Variants in CDH23 observed in about 807,000 individuals in gnomAD.
The protein encoded by CDH23 is cadherin related 23.
A neutral mutation model predicts 317.1 loss-of-function variants in CDH23; 189 were observed. The observed-to-expected ratio is 0.60, with a 90% confidence interval of 0.53 to 0.67. The LOEUF (loss-of-function observed/expected upper bound fraction) is 0.67. CDH23 is among the 30% of genes least tolerant of loss of function. The pLI, the probability that CDH23 is intolerant of heterozygous loss-of-function variation, is 0.00. For synonymous variants in CDH23, 1,839 were observed against 1,876.8 expected (o/e 0.98, Z 0.52); for missense variants, 4,401 against 4,592.4 (o/e 0.96, Z 1.20).
At chr10:71,684,862 C>T (rs966485662) in intron 18 of CDH23, among the ~76,000 whole-genome samples, 10 of 152,172 alleles carry the variant, frequency 6.6e-5, no homozygotes, top group African/African-American at 2.4e-4. Flanking sequence ...CGGGGCTAGA[C>T]AGGCCTAAGT....
chr10:71,793,669 C>T (rs1347755730), intron 48 of CDH23, 29 bp downstream of exon 48: 2 of 1,476,762 alleles, frequency 1.4e-6, no homozygotes, highest in Admixed American at 2.0e-5. Flanking sequence ...CTCCCACCTC[C>T]CTCCCAGCTC....
intron 22 of CDH23, among the ~76,000 whole-genome samples, chr10:71,698,952 T>G (rs542745913): frequency 5.3e-5 from 8 of 152,220 alleles, no homozygotes; most frequent in Non-Finnish European, 8.8e-5. Context: ...GCTCCAGTTC[T>G]TCTCATCTAA....
intron 38 of CDH23, among the ~76,000 whole-genome samples, chr10:71,742,689 G>A (rs1839770144): frequency 6.6e-6 from 1 of 152,204 alleles, no homozygotes; most frequent in Non-Finnish European, 1.5e-5. Context: ...GGTGTTGTTT[G>A]GGGAATCAAA....
At chr10:71,799,659 G>A (rs1434218476) in intron 52 of CDH23, 30 bp downstream of exon 52, 1 of 1,613,926 alleles carries the variant, frequency 6.2e-7, no homozygotes, top group South Asian at 1.1e-5. Context: ...CTGGAATTTG[G>A]AAGTGGGAAG....
At position 71,793,549 on chromosome 10, in the gene CDH23, A is replaced by G. The variant is rs778376203; in HGVS notation, c.6621A>G (p.Leu2207=). 1.9e-6 allele frequency: 3 copies of G among 1,613,644 alleles called. No individual in the cohort carries two copies. The highest frequency in any genetic ancestry group is 2.5e-6 in the Non-Finnish European group (3 of 1,179,816). The part of the protein sequence containing the change: ...TAIDHDLNPK[L]EYHIVGIVAK... The stretch of plus-strand genomic sequence containing the variant: ...TTGACCACGACCTCAACCCAAAGCT[A>G]GAGTACCACATTGTCGGCATTGTGG... Residue 2207 remains leucine, a synonymous_variant, in exon 48 of 70, where the codon CTA becomes CTG. Coordinates refer to ENST00000224721, the MANE Select transcript of CDH23 (RefSeq NM_022124.6).
Position 71,808,227 on chromosome 10 carries a change from C to A in CDH23, c.8722+220C>A, listed in dbSNP as rs116500209. 9.8e-3 allele frequency among the ~76,000 whole-genome samples: 1,488 copies of A among 152,068 alleles called. 29 individuals carry two copies. The highest frequency in any genetic ancestry group is 0.032 in the African/African-American group (1,330 of 41,558). On this transcript the variant is annotated intron_variant, in intron 60 of 69. Coordinates refer to ENST00000224721, the MANE Select transcript of CDH23 (RefSeq NM_022124.6). ...TACCCACCAGCCCTTTCTTTTCATT[C>A]TCTCTTCTTTTCAACTCATCTATCC... is the stretch of plus-strand genomic sequence containing the variant.
rs552928107 is a variant in CDH23 at position 71,585,990 on chromosome 10, G to A, written c.832+7998G>A. Among the ~76,000 whole-genome samples, 81 of 152,292 alleles carry A rather than the reference G, an allele frequency of 5.3e-4. 1 individual carries two copies. Among genetic ancestry groups the A allele is most frequent in the Non-Finnish European group, 3.4e-4 (23 of 68,026 alleles). Reference sequence around the variant, plus strand: ...CGTCTTCCCCATACCCTCCCCATGGGCAGGAGTCTGTCTCTGTCCCTTGCT... The same window carrying A: ...CGTCTTCCCCATACCCTCCCCATGGACAGGAGTCTGTCTCTGTCCCTTGCT... On this transcript the variant is annotated intron_variant, in intron 9 of 69. Transcript: ENST00000224721.
At chr10:71,674,939 G>A (rs1864296809) in intron 14 of CDH23, among the ~76,000 whole-genome samples, 173 bp from the exon 15 acceptor site, 1 of 152,204 alleles carries the variant, frequency 6.6e-6, no homozygotes, top group Non-Finnish European at 1.5e-5. Flanking sequence ...CTCTGCTTCT[G>A]ACCCGCTCCT....
chr10:71,744,078 G>A (rs1839798321), intron 38 of CDH23, among the ~76,000 whole-genome samples: 1 of 152,170 alleles, frequency 6.6e-6, no homozygotes, highest in South Asian at 2.1e-4. Context: ...TGGCTCACGT[G>A]GGCACCCTAG....
chr10:71,649,939 G>A (rs761563066), intron 14 of CDH23, among the ~76,000 whole-genome samples: 7 of 152,200 alleles, frequency 4.6e-5, no homozygotes, highest in Non-Finnish European at 4.4e-5. Flanking sequence ...TGACTAAACT[G>A]GATTCACACA....
At chr10:71,569,508 G>A (rs574696816) in intron 7 of CDH23, among the ~76,000 whole-genome samples, 16 of 152,208 alleles carry the variant, frequency 1.1e-4, no homozygotes, top group Non-Finnish European at 7.3e-5. Context: ...CACAGAAAAG[G>A]ACATCAGATT....
At chr10:71,767,138 TAC>T (rs1197453823) in intron 38 of CDH23, among the ~76,000 whole-genome samples, 5 of 152,348 alleles carry the variant, frequency 3.3e-5, no homozygotes, top group South Asian at 2.1e-4. Context: ...TCTGTCCCAG[TAC>T]AAGGGAAAGG....
Position 71,803,383 on chromosome 10 carries a change from T to C in CDH23, c.7835T>C (p.Val2612Ala). 6.3e-7 allele frequency: 1 copy of C among 1,599,896 alleles called. No individual in the cohort carries two copies. The highest frequency in any genetic ancestry group is 8.5e-7 in the Non-Finnish European group (1 of 1,173,970). The change falls in exon 55 of 70, where the codon GTG becomes GCG. Residue 2612 changes from valine (V) to alanine (A), a missense_variant. Physicochemically the swap from Val to Ala is moderately conservative, Grantham distance 64 (BLOSUM62 0). This residue lies in a region of CDH23 where 1,144 missense variants were observed against 1,138.2 expected (regional missense o/e 1.01). Coordinates refer to ENST00000224721, the MANE Select transcript of CDH23 (RefSeq NM_022124.6). ...IDVNDNRPVFVRPPNGTILHI... is the reference protein window; with the variant it reads ...IDVNDNRPVFARPPNGTILHI... ...GTCAATGACAACCGCCCTGTCTTTG[T>C]GCGCCCACCCAACGGCACCATCCTC...
intron 41 of CDH23, among the ~76,000 whole-genome samples, chr10:71,781,987 T>A (rs916339006): frequency 5.3e-5 from 8 of 152,192 alleles, no homozygotes; most frequent in African/African-American, 1.9e-4. Context: ...CACCGCTGTC[T>A]GGAGAGAGCT....
intron 2 of CDH23, among the ~76,000 whole-genome samples, chr10:71,444,983 G>A (rs978465647): frequency 6.6e-6 from 1 of 152,154 alleles, no homozygotes; most frequent in Non-Finnish European, 1.5e-5. Flanking sequence ...AGAGAAGCTG[G>A]GGGACAGGTG....
intron 1 of CDH23, among the ~76,000 whole-genome samples, chr10:71,410,258 C>A (rs1402917362): frequency 2.0e-5 from 3 of 152,210 alleles, no homozygotes; most frequent in Non-Finnish European, 4.4e-5. Context: ...TACTGTTATT[C>A]TCAGCTTCTG....
At chr10:71,703,689 G>T (rs544404042) in intron 24 of CDH23, among the ~76,000 whole-genome samples, 1 of 152,330 alleles carries the variant, frequency 6.6e-6, no homozygotes, top group East Asian at 1.9e-4. Flanking sequence ...CAGGCCCGCT[G>T]TGCCTCAGTT....
intron 14 of CDH23, among the ~76,000 whole-genome samples, chr10:71,655,287 C>A (rs1863370685): frequency 6.6e-6 from 1 of 152,160 alleles, no homozygotes; most frequent in Non-Finnish European, 1.5e-5. Context: ...AGCTGCTATT[C>A]CAGCCCTTGC....
chr10:71,812,826 C>G lies in CDH23; in HGVS notation c.9569C>G (p.Ala3190Gly). Residue 3190 changes from alanine (A) to glycine (G), a missense_variant, in exon 68 of 70, where the codon GCT (alanine) becomes GGT (glycine). By Grantham distance (60) the Ala-to-Gly change is moderately conservative. This residue lies in a region of CDH23 where 1,144 missense variants were observed against 1,138.2 expected (regional missense o/e 1.01). Coordinates refer to ENST00000224721, the MANE Select transcript of CDH23 (RefSeq NM_022124.6). ...CCTGATGATGACCGATACCTGCGGG[C>G]TGCCATCCAGGAGTATGACAACATT... ...VKPDDDRYLR[A>G]AIQEYDNIAK... The G allele has an allele frequency of 6.2e-7, 1 of 1,613,588 alleles. No individual in the cohort carries two copies. The highest frequency in any genetic ancestry group is 8.5e-7 in the Non-Finnish European group (1 of 1,179,690).
Sources: allele counts gnomAD v4.1 joint callset (sites outside exome capture counted in the v4.1 genomes callset), GRCh38; gene constraint gnomAD v4.1.1; regional missense constraint gnomAD v4.1.1; transcripts MANE v1.5; gene names NCBI Gene and HGNC (gene_info 2026-07-23, HGNC 2026-07-21).